The following ATAD2B variants were observed in gnomAD, a reference collection of about 807,000 sequenced individuals.
ATAD2B encodes ATPase family AAA domain-containing protein 2B.
A neutral mutation model predicts 167.6 loss-of-function variants in ATAD2B; 40 were observed. That is an observed-to-expected ratio of 0.24 (90% confidence interval 0.19 to 0.31). ATAD2B has a LOEUF of 0.31. Ranked by LOEUF, ATAD2B falls within the 10% of genes least tolerant of loss-of-function variation. ATAD2B has a pLI of 1.00. For synonymous variants in ATAD2B, 579 were observed against 596.5 expected (o/e 0.97, Z 0.43); for missense variants, 1,242 against 1,757.2 (o/e 0.71, Z 5.24).
intron 19 of ATAD2B, among the ~76,000 whole-genome samples, chr2:23,792,663 T>C (rs1681937453): frequency 6.6e-6 from 1 of 151,720 alleles, no homozygotes. Flanking sequence ...CTATTTCACT[T>C]AGGGAAAAAA....
intron 25 of ATAD2B, 144 bp from the exon 26 acceptor site, chr2:23,754,918 A>G (rs1053308046): frequency 5.2e-6 from 4 of 774,178 alleles, no homozygotes; most frequent in Non-Finnish European, 7.6e-6. Context: ...TTTTAAAGCA[A>G]CCCAATGTGG....
At chr2:23,742,190 C>A in the ATAD2B span, among the ~76,000 whole-genome samples, 1 of 152,204 alleles carries the variant, frequency 6.6e-6, no homozygotes, top group South Asian at 2.1e-4. Flanking sequence ...TTGACCCAGT[C>A]ATCCCATTAC....
At chr2:23,887,229 A>C (rs1415850299) in intron 4 of ATAD2B, among the ~76,000 whole-genome samples, 1 of 151,988 alleles carries the variant, frequency 6.6e-6, no homozygotes, top group East Asian at 1.9e-4. Context: ...GCGTCACTGC[A>C]CTCCAGCCTG....
downstream of ATAD2B, among the ~76,000 whole-genome samples, chr2:23,745,457 A>G (rs540605645): frequency 8.5e-5 from 11 of 128,968 alleles, no homozygotes; most frequent in Admixed American, 6.2e-4. Flanking sequence ...GAAGGGAAGG[A>G]AGGAAAGGAA....
At chr2:23,754,342 G>A in intron 26 of ATAD2B, 35 bp from the exon 27 acceptor site, 1 of 1,522,148 alleles carries the variant, frequency 6.6e-7, no homozygotes, top group Non-Finnish European at 8.8e-7. Flanking sequence ...AATGTAATTT[G>A]ATTTCACTGG....
chr2:23,819,838 A>G lies in ATAD2B; in HGVS notation c.2176T>C (p.Leu726=). The change falls in exon 17 of 28, where the codon TTA becomes CTA. Residue 726 remains leucine (L), a synonymous_variant. Transcript: ENST00000238789. ...TGACAATTGGTCTCAAAAATTGATA[A>G]AGCATTTTCATCTTCACTATCCTCT... ...ILEDSEDENA[L]SIFETNCHSG... The G allele has an allele frequency of 6.3e-7, 1 of 1,593,854 alleles. No individual in the cohort carries two copies. Among genetic ancestry groups the G allele is most frequent in the Non-Finnish European group, 8.6e-7 (1 of 1,162,424 alleles).
chr2:23,872,321 T>C (rs1696118601), intron 8 of ATAD2B: 2 of 567,600 alleles, frequency 3.5e-6, no homozygotes, highest in Non-Finnish European at 6.7e-6. Context: ...AGGAACTGCA[T>C]GCACCTGATG....
the ATAD2B span, chr2:23,696,294 C>T: frequency 1.9e-6 from 3 of 1,544,824 alleles, no homozygotes; most frequent in Non-Finnish European, 2.6e-6. The surrounding 1 kb of genome is among the most constrained non-coding windows in gnomAD (Gnocchi z 5.5). Context: ...GGCCCCTCCT[C>T]ACCCCGCCCG....
the ATAD2B span, among the ~76,000 whole-genome samples, chr2:23,719,771 C>G: frequency 6.6e-6 from 1 of 152,182 alleles, no homozygotes; most frequent in Non-Finnish European, 1.5e-5. Flanking sequence ...TCTTAACCCA[C>G]AGAAAGCATC....
In ATAD2B at chr2:23,886,351, C is replaced by CT. The variant is rs538168148; in HGVS notation, c.573-523dup. On this transcript the variant is annotated intron_variant, in intron 4 of 27. Transcript: ENST00000238789. ...CCTTAATATATACATTAAAATAAAA[C>CT]TTTTTAAATATAAGGCTTTTGTTAA... is the stretch of plus-strand genomic sequence containing the variant. Among the ~76,000 whole-genome samples the CT allele has an allele frequency of 2.0e-4, 31 of 152,110 alleles. No individual in the cohort carries two copies. In the South Asian group the frequency reaches 6.4e-3, roughly 32 times the overall value.
chr2:23,875,957 A>G (rs1440003631), intron 7 of ATAD2B, 53 bp from the exon 8 acceptor site: 6 of 1,304,264 alleles, frequency 4.6e-6, no homozygotes, highest in South Asian at 1.3e-5. Flanking sequence ...TGATAAATTA[A>G]TGTATTAAAG....
At chr2:23,815,056 CAA>C (rs553479769) in intron 17 of ATAD2B, among the ~76,000 whole-genome samples, 29 of 76,418 alleles carry the variant, frequency 3.8e-4, no homozygotes, top group Admixed American at 1.1e-3. Context: ...AATCCGTCTC[CAA>C]AAAAAAAAAA....
At chr2:23,884,993 G>C in intron 5 of ATAD2B, 120 bp from the exon 6 acceptor site, 1 of 447,466 alleles carries the variant, frequency 2.2e-6, no homozygotes, top group Non-Finnish European at 3.9e-6. Context: ...GCGTGCCATA[G>C]ATTCGTGAAA....
At chr2:23,820,881 G>A (rs992318396) in intron 16 of ATAD2B, among the ~76,000 whole-genome samples, 4 of 152,140 alleles carry the variant, frequency 2.6e-5, no homozygotes, top group South Asian at 2.1e-4. Flanking sequence ...CCCAGGAGGC[G>A]GAGCTTGCAG....
chr2:23,837,173 G>T (rs1051757463), intron 13 of ATAD2B, among the ~76,000 whole-genome samples: 1 of 152,232 alleles, frequency 6.6e-6, no homozygotes, highest in Non-Finnish European at 1.5e-5. Flanking sequence ...GGCAGCAGGG[G>T]GTTGGCATGT....
chr2:23,903,656 C>T (rs74598169), intron 1 of ATAD2B, among the ~76,000 whole-genome samples: 3,405 of 152,184 alleles, frequency 0.022, 137 homozygotes, highest in African/African-American at 0.078. Context: ...TCAAGGAAGG[C>T]TTCATGCCCA....
chr2:23,917,531 G>A (rs762331859), intron 1 of ATAD2B, among the ~76,000 whole-genome samples: 2 of 151,774 alleles, frequency 1.3e-5, no homozygotes, highest in Non-Finnish European at 2.9e-5. Flanking sequence ...ACCAAGTAGA[G>A]GGAAAGATAG....
At chr2:23,866,442 T>G (rs577887833) in intron 10 of ATAD2B, among the ~76,000 whole-genome samples, 1 of 152,206 alleles carries the variant, frequency 6.6e-6, no homozygotes, top group African/African-American at 2.4e-5. Flanking sequence ...TTAGTCTACT[T>G]TGGCAGAGAC....
At position 23,754,672 on chromosome 2, in the gene ATAD2B, A is replaced by G; in HGVS notation, c.4181T>C (p.Leu1394Pro). The stretch of plus-strand genomic sequence containing the variant: ...CTTCAATCTCTCACGATCAACTATA[A>G]GAGGAGGCACAGGCTCAGATGGCTC... Reference protein sequence around the residue: ...PEEPSEPVPPLIVDRERLKKL... With the variant: ...PEEPSEPVPPPIVDRERLKKL... The change falls in exon 26 of 28, where the codon CTT becomes CCT. Residue 1394 changes from leucine to proline, a missense_variant. Leu to Pro is a moderately conservative substitution (Grantham distance 98). Transcript: ENST00000238789. 6.2e-7 allele frequency: 1 copy of G among 1,612,978 alleles called. No homozygotes were observed. Among genetic ancestry groups the G allele is most frequent in the Non-Finnish European group, 8.5e-7 (1 of 1,179,314 alleles).
Sources: gnomAD v4.1 joint callset for allele counts (sites outside exome capture counted in the v4.1 genomes callset) on GRCh38, gnomAD v4.1.1 for gene constraint, Gnocchi (gnomAD v3.1) non-coding constraint, MANE v1.5 for transcripts, NCBI Gene and HGNC (gene_info 2026-07-23, HGNC 2026-07-21) for gene names.